Variants in SLK observed in about 807,000 individuals in gnomAD.
SLK encodes the protein STE20 like kinase, also known as STE20-like serine/threonine-protein kinase.
In SLK, 67 loss-of-function variants were observed where a neutral mutation model predicts 147.7. That is an observed-to-expected ratio of 0.45 (90% CI 0.37 to 0.56). The LOEUF (loss-of-function observed/expected upper bound fraction) is 0.56, where lower values mean the gene tolerates loss of function less well. Among genes scored for constraint, SLK ranks in the 20% least tolerant of loss-of-function variants. The pLI is 0.00. For missense variants in SLK, 1,136 were observed against 1,438.8 expected (o/e 0.79, Z 3.41); for synonymous variants, 441 against 475.0 (o/e 0.93, Z 0.93).
intron 1 of SLK, among the ~76,000 whole-genome samples, chr10:103,968,872 G>A (rs1046573833): frequency 6.6e-6 from 1 of 152,168 alleles, no homozygotes; most frequent in East Asian, 1.9e-4. Flanking sequence ...AGTCACATGA[G>A]TCTCAGCCTA....
At chr10:103,968,405 C>G (rs987290027) in intron 1 of SLK, among the ~76,000 whole-genome samples, 2 of 152,176 alleles carry the variant, frequency 1.3e-5, no homozygotes, top group African/African-American at 4.8e-5. Flanking sequence ...TGCTTGACAG[C>G]ATACTATAAA....
intron 9 of SLK, among the ~76,000 whole-genome samples, chr10:104,004,361 A>G (rs1054040973): frequency 6.6e-6 from 1 of 152,232 alleles, no homozygotes; most frequent in African/African-American, 2.4e-5. Flanking sequence ...ACCACTCTGA[A>G]ATTCATTCAC....
intron 1 of SLK, among the ~76,000 whole-genome samples, chr10:103,980,805 C>CT (rs1843931024): frequency 6.6e-6 from 1 of 152,114 alleles, no homozygotes; most frequent in Non-Finnish European, 1.5e-5. Flanking sequence ...ACAAGTATCT[C>CT]TTTGAGACCC....
intron 1 of SLK, among the ~76,000 whole-genome samples, chr10:103,980,087 GCAC>G (rs1306644094): frequency 6.6e-6 from 1 of 152,130 alleles, no homozygotes; most frequent in Non-Finnish European, 1.5e-5. Flanking sequence ...AGTTGTCCCA[GCAC>G]CATGTACTTT....
At chr10:103,968,069 G>A (rs568220778) in intron 1 of SLK, among the ~76,000 whole-genome samples, 174 bp downstream of exon 1, 1 of 152,266 alleles carries the variant, frequency 6.6e-6, no homozygotes, top group Admixed American at 6.5e-5. Flanking sequence ...TCGGGTTTAC[G>A]GTGGAACAAA....
chr10:103,971,307 C>G (rs879560142), intron 1 of SLK, among the ~76,000 whole-genome samples: 57 of 152,212 alleles, frequency 3.7e-4, no homozygotes, highest in Middle Eastern at 3.4e-3. Flanking sequence ...TGGAGTCCCT[C>G]TCTGTCGCCC....
chr10:104,005,769 C>T (rs1023205234), intron 10 of SLK, 78 bp downstream of exon 10: 12 of 1,508,232 alleles, frequency 8.0e-6, no homozygotes, highest in Non-Finnish European at 9.9e-6. Flanking sequence ...AATAGAGAAA[C>T]AAGGGTAAAT....
intron 1 of SLK, among the ~76,000 whole-genome samples, chr10:103,978,661 T>C (rs1418568138): frequency 2.6e-5 from 4 of 152,230 alleles, no homozygotes; most frequent in Non-Finnish European, 4.4e-5. Flanking sequence ...ATTTATTTTA[T>C]ATCCCTGTGT....
chr10:104,020,711 A>T (rs1844523485), intron 17 of SLK, 98 bp downstream of exon 17: 3 of 1,305,248 alleles, frequency 2.3e-6, no homozygotes, highest in Non-Finnish European at 3.2e-6. Flanking sequence ...ACTGCATCAT[A>T]CACGAACATG....
At chr10:103,983,966 TC>T (rs894038542) in intron 1 of SLK, among the ~76,000 whole-genome samples, 2 of 152,176 alleles carry the variant, frequency 1.3e-5, no homozygotes, top group Admixed American at 1.3e-4. Context: ...TTCCCTTTGT[TC>T]CCATAGTCCT....
intron 1 of SLK, among the ~76,000 whole-genome samples, chr10:103,980,732 T>C (rs1264844935): frequency 2.0e-5 from 3 of 152,210 alleles, no homozygotes; most frequent in African/African-American, 4.8e-5. Context: ...CACTCATCTA[T>C]TGATGTCACT....
At chr10:103,969,420 C>T (rs1843764408) in intron 1 of SLK, among the ~76,000 whole-genome samples, 1 of 152,326 alleles carries the variant, frequency 6.6e-6, no homozygotes, top group South Asian at 2.1e-4. Context: ...GCTATTATAG[C>T]ACTTGTCACT....
At chr10:103,977,305 A>G (rs1002831966) in intron 1 of SLK, among the ~76,000 whole-genome samples, 4 of 152,168 alleles carry the variant, frequency 2.6e-5, no homozygotes, top group East Asian at 1.9e-4. Flanking sequence ...GCTTGCCCCA[A>G]AACCTCAATA....
chr10:103,971,936 G>A (rs1843798769), intron 1 of SLK, among the ~76,000 whole-genome samples: 1 of 152,032 alleles, frequency 6.6e-6, no homozygotes, highest in South Asian at 2.1e-4. Context: ...CTATCTTTAA[G>A]TTATTCATTT....
At chr10:103,979,158 G>A (rs1589526469) in intron 1 of SLK, among the ~76,000 whole-genome samples, 1 of 152,282 alleles carries the variant, frequency 6.6e-6, no homozygotes, top group South Asian at 2.1e-4. Flanking sequence ...TGGGATTACA[G>A]GCGCCCGCCA....
intron 1 of SLK, among the ~76,000 whole-genome samples, chr10:103,985,019 A>T (rs1291225028): frequency 6.6e-6 from 1 of 152,176 alleles, no homozygotes; most frequent in African/African-American, 2.4e-5. Context: ...GGTTTTATTT[A>T]CCTGCAGTCT....
chr10:103,976,933 A>T (rs1173533384), intron 1 of SLK, among the ~76,000 whole-genome samples: 1 of 152,188 alleles, frequency 6.6e-6, no homozygotes, highest in Non-Finnish European at 1.5e-5. Flanking sequence ...TTTGGACAGG[A>T]TAATCCTTTT....
At chr10:104,000,673 A>G (rs955232547) in intron 7 of SLK, among the ~76,000 whole-genome samples, 1 of 152,218 alleles carries the variant, frequency 6.6e-6, no homozygotes. Flanking sequence ...TGTCAAAAAT[A>G]CAGGTGTTTA....
At chr10:104,011,840 G>A (rs540536556) in intron 13 of SLK, among the ~76,000 whole-genome samples, 18 of 152,282 alleles carry the variant, frequency 1.2e-4, no homozygotes, top group Non-Finnish European at 2.2e-4. Context: ...GATTACAGGC[G>A]TGAGCCACCA....
Sources: gnomAD v4.1 joint callset for allele counts (sites outside exome capture counted in the v4.1 genomes callset) on GRCh38, gnomAD v4.1.1 for gene constraint, MANE v1.5 for transcripts, NCBI Gene and HGNC (gene_info 2026-07-23, HGNC 2026-07-21) for gene names.